The following PTPRD variants were observed in gnomAD, a reference collection of about 807,000 sequenced individuals.
PTPRD encodes the protein protein tyrosine phosphatase receptor type D.
In PTPRD, 34 loss-of-function variants were observed where a neutral mutation model predicts 214.5. That is an observed-to-expected ratio of 0.16 (90% CI 0.12 to 0.21). The LOEUF (loss-of-function observed/expected upper bound fraction) is 0.21, where lower values mean the gene tolerates loss of function less well. Among genes scored for constraint, PTPRD ranks in the 10% least tolerant of loss-of-function variants. The pLI is 1.00. For synonymous variants in PTPRD, 1,128 were observed against 845.7 expected (o/e 1.33, Z -5.79); for missense variants, 2,545 against 2,398.7 (o/e 1.06, Z -1.27).
At chr9:10,517,525 T>C (rs2050543341) in intron 2 of PTPRD, among the ~76,000 whole-genome samples, 1 of 152,042 alleles carries the variant, frequency 6.6e-6, no homozygotes, top group Non-Finnish European at 1.5e-5. Flanking sequence ...CCTTCATAGA[T>C]TATTACTAGT....
At chr9:8,522,673 T>G (rs1358152445) in intron 19 of PTPRD, among the ~76,000 whole-genome samples, 7 of 152,274 alleles carry the variant, frequency 4.6e-5, no homozygotes, top group Non-Finnish European at 7.4e-5. Flanking sequence ...TCAGATAATC[T>G]GCAGGTTTAT....
At chr9:10,028,674 C>T (rs991822203) in intron 4 of PTPRD, among the ~76,000 whole-genome samples, 5 of 152,048 alleles carry the variant, frequency 3.3e-5, no homozygotes, top group African/African-American at 1.2e-4. Context: ...GAACTTTGAA[C>T]TTGAGGGGGA....
At chr9:9,120,653 T>C (rs2099816756) in intron 10 of PTPRD, among the ~76,000 whole-genome samples, 1 of 152,192 alleles carries the variant, frequency 6.6e-6, no homozygotes, top group South Asian at 2.1e-4. Context: ...AGGGTAAAAA[T>C]TCATCTTCTC....
At position 9,434,230 on chromosome 9, in the gene PTPRD, T is replaced by G. The variant is rs12551219; in HGVS notation, c.-236-36748A>C. Among the ~76,000 whole-genome samples the G allele has an allele frequency of 5.6e-3, 849 of 152,292 alleles. 26 individuals carry two copies. The East Asian group carries it at 0.067, about 12-fold the overall frequency. ...AACAGTGCCTAGATCTCTCTGAGCT[T>G]CTTCACTAGAGAATAAAAACAATCT... On this transcript the variant is annotated intron_variant, in intron 8 of 45. Transcript: ENST00000381196.
At chr9:9,183,445 C>T (rs1201280874) in intron 9 of PTPRD, 82 bp from the exon 10 acceptor site, 1 of 151,924 alleles carries the variant, frequency 6.6e-6, no homozygotes, top group Non-Finnish European at 1.5e-5. Flanking sequence ...GCTGTCACCC[C>T]ATTTTTTAGT....
At chr9:10,392,197 C>A (rs1031263780) in intron 2 of PTPRD, among the ~76,000 whole-genome samples, 1 of 151,868 alleles carries the variant, frequency 6.6e-6, no homozygotes, top group Non-Finnish European at 1.5e-5. Flanking sequence ...CATTTTCTAT[C>A]GTATAGCAAA....
chr9:9,238,814 A>T (rs571763281), intron 9 of PTPRD, among the ~76,000 whole-genome samples: 2 of 152,310 alleles, frequency 1.3e-5, no homozygotes, highest in East Asian at 3.9e-4. Flanking sequence ...AGCAAAACTG[A>T]AAATCCACGT....
At chr9:8,677,451 T>C (rs546754048) in intron 12 of PTPRD, among the ~76,000 whole-genome samples, 1 of 152,244 alleles carries the variant, frequency 6.6e-6, no homozygotes, top group East Asian at 1.9e-4. Flanking sequence ...AGTTCTCACT[T>C]ATAAACGGGA....
At chr9:8,418,127 T>G (rs528286844) in intron 35 of PTPRD, among the ~76,000 whole-genome samples, 4 of 152,302 alleles carry the variant, frequency 2.6e-5, no homozygotes. Flanking sequence ...AATTCCAGCC[T>G]TTGGCTCTGT....
At chr9:10,233,373 A>C (rs1469890157) in intron 3 of PTPRD, among the ~76,000 whole-genome samples, 2 of 152,010 alleles carry the variant, frequency 1.3e-5, no homozygotes, top group Non-Finnish European at 2.9e-5. Flanking sequence ...AGCATTATGG[A>C]AGCCTGAATA....
intron 2 of PTPRD, among the ~76,000 whole-genome samples, chr9:10,556,635 T>A (rs112048307): frequency 0.018 from 2,765 of 152,132 alleles, 81 homozygotes; most frequent in African/African-American, 0.063. Flanking sequence ...AGCCCTGAAA[T>A]CGCACCAATA....
intron 8 of PTPRD, among the ~76,000 whole-genome samples, chr9:9,426,566 C>A (rs932090194): frequency 6.6e-6 from 1 of 152,114 alleles, no homozygotes; most frequent in Non-Finnish European, 1.5e-5. Context: ...TAGTGGATCT[C>A]CCAGCACGGA....
chr9:9,324,599 A>T (rs9696642), intron 9 of PTPRD, among the ~76,000 whole-genome samples: 115,298 of 152,070 alleles, frequency 0.76, 44,049 homozygotes, highest in East Asian at 0.93. Context: ...TAGCCCTTTG[A>T]CAGATAGGTA....
intron 11 of PTPRD, among the ~76,000 whole-genome samples, chr9:8,853,809 T>C (rs1305305240): frequency 6.6e-6 from 1 of 152,206 alleles, no homozygotes; most frequent in East Asian, 1.9e-4. Context: ...CTTGAGGCAG[T>C]AAGCTGCCTC....
chr9:10,216,537 T>C (rs1321158281), intron 3 of PTPRD, among the ~76,000 whole-genome samples: 1 of 152,022 alleles, frequency 6.6e-6, no homozygotes, highest in East Asian at 1.9e-4. Flanking sequence ...TGTCTATTAT[T>C]AAATAGTATA....
chr9:10,151,867 T>C (rs2099063314), intron 3 of PTPRD, among the ~76,000 whole-genome samples: 1 of 152,194 alleles, frequency 6.6e-6, no homozygotes, highest in Non-Finnish European at 1.5e-5. Context: ...ATAATGCATT[T>C]GAAATCTATG....
chr9:9,707,989 T>C (rs545072158), intron 7 of PTPRD, among the ~76,000 whole-genome samples: 5 of 151,942 alleles, frequency 3.3e-5, no homozygotes, highest in African/African-American at 1.2e-4. Context: ...CTTCTTTCAT[T>C]TAGAAATACG....
intron 3 of PTPRD, among the ~76,000 whole-genome samples, chr9:10,208,508 C>T (rs58955485): frequency 0.02 from 3,063 of 152,220 alleles, 92 homozygotes; most frequent in African/African-American, 0.07. Flanking sequence ...AGCGAGACTG[C>T]GTCTCAAAAA....
rs182458212 is a variant in PTPRD, at chr9:9,938,554, C to G, written c.-415G>C. The G allele has an allele frequency of 6.6e-6, 1 of 152,204 alleles. No individual in the cohort carries two copies. The highest frequency in any genetic ancestry group is 1.5e-5 in the Non-Finnish European group (1 of 68,010). The allele number at this position is 152,204 out of a possible 1,614,324, so 9.4% of individuals were successfully genotyped here. A position where few individuals can be genotyped will look rare whatever the true frequency, so the allele number is the denominator to read the frequency against. ...CCCTCGGTGCCAACATGCTGTCAGT[C>G]AGACACCTCTAACTGGAATATCACG... On this transcript the variant is annotated 5_prime_UTR_variant, in exon 5 of 46. Transcript: ENST00000381196.
Sources: gnomAD v4.1 joint callset for allele counts (sites outside exome capture counted in the v4.1 genomes callset) on GRCh38, gnomAD v4.1.1 for gene constraint, MANE v1.5 for transcripts, NCBI Gene and HGNC (gene_info 2026-07-23, HGNC 2026-07-21) for gene names.